TANK: variants seen among roughly 807,000 people sequenced by gnomAD.
TANK encodes the protein TRAF family member associated NFKB activator, also known as TRAF family member-associated NF-kappa-B activator.
In TANK, 15 loss-of-function variants were observed where a neutral mutation model predicts 43.6. That is an observed-to-expected ratio of 0.34 (90% confidence interval 0.23 to 0.53). The LOEUF (loss-of-function observed/expected upper bound fraction) is 0.53, where lower values mean the gene tolerates loss of function less well. Ranked by LOEUF, TANK falls within the 20% of genes least tolerant of loss-of-function variation. The probability of loss-of-function intolerance (pLI) is 0.94; values close to 1 mark genes in which losing one functional copy is unlikely to be tolerated. For synonymous variants in TANK, 162 were observed against 178.2 expected, an observed-to-expected ratio of 0.91 and a Z score of 0.73; for missense variants, 417 against 498.6, an observed-to-expected ratio of 0.84 and a Z score of 1.56.
rs989283972 is a variant in TANK at position 161,150,589 on chromosome 2, C to CTTTTTTTT, written c.-50+13539_-50+13546dup. Among the ~76,000 whole-genome samples, 132 of 121,434 alleles carry CTTTTTTTT rather than the reference C, an allele frequency of 1.1e-3. 2 individuals are homozygous for CTTTTTTTT. Among genetic ancestry groups the CTTTTTTTT allele is most frequent in the African/African-American group, 2.8e-3 (85 of 30,664 alleles). The allele number at this position is 121,434 out of a possible 152,430, so 79.7% of individuals were successfully genotyped here. A position where few individuals can be genotyped will look rare whatever the true frequency, so the allele number is the denominator to read the frequency against. On this transcript the variant is annotated intron_variant, in intron 1 of 7. Coordinates refer to the TANK transcript ENST00000259075. ...ATTATTGATTTCAAATCTTCTTCTT[C>CTTTTTTTT]TTTTTTTTTTTTTTTTTTTTCTTTT...
At chr2:161,211,085 T>G (rs1686867517) in intron 4 of TANK, among the ~76,000 whole-genome samples, 1 of 152,210 alleles carries the variant, frequency 6.6e-6, no homozygotes, top group South Asian at 2.1e-4. Flanking sequence ...GAGAAAGTGC[T>G]TTCTACCTTT....
intron 2 of TANK, among the ~76,000 whole-genome samples, chr2:161,192,755 C>T (rs1685974784): frequency 6.6e-6 from 1 of 152,178 alleles, no homozygotes. Flanking sequence ...TGAGCGTATT[C>T]TACAGGTGTC....
At chr2:161,191,020 C>T (rs1417388016) in intron 2 of TANK, among the ~76,000 whole-genome samples, 5 of 152,186 alleles carry the variant, frequency 3.3e-5, no homozygotes, top group Non-Finnish European at 7.4e-5. Context: ...ACTTGTCACT[C>T]ATCAATTTAT....
intron 7 of TANK, among the ~76,000 whole-genome samples, chr2:161,232,361 T>G (rs181088109): frequency 6.6e-6 from 1 of 152,286 alleles, no homozygotes; most frequent in East Asian, 1.9e-4. Context: ...TTGCAAACAT[T>G]TGTCTGATTT....
At chr2:161,199,530 CATCT>C (rs1299963120) in intron 2 of TANK, among the ~76,000 whole-genome samples, 2 of 152,054 alleles carry the variant, frequency 1.3e-5, no homozygotes, top group Non-Finnish European at 2.9e-5. Context: ...GAAATTTAAA[CATCT>C]ATCTACAGAA....
chr2:161,182,537 G>A (rs1573997157), intron 2 of TANK, among the ~76,000 whole-genome samples: 1 of 152,084 alleles, frequency 6.6e-6, no homozygotes, highest in Admixed American at 6.6e-5. Context: ...GACATATAAG[G>A]TGAGGTCTGA....
chr2:161,211,943 T>C (rs1214434967), intron 4 of TANK: 2 of 974,382 alleles, frequency 2.1e-6, no homozygotes, highest in African/African-American at 3.5e-5. Flanking sequence ...ATTACTCCTC[T>C]GGAGACTAGC....
At chr2:161,160,701 T>C in intron 1 of TANK, 1 of 508,524 alleles carries the variant, frequency 2.0e-6, no homozygotes, top group Non-Finnish European at 3.7e-6. Context: ...CCTTGTGGGT[T>C]GGTTTCCGGG....
chr2:161,224,388 A>G (rs1179471175), intron 5 of TANK, among the ~76,000 whole-genome samples: 1 of 152,098 alleles, frequency 6.6e-6, no homozygotes, highest in African/African-American at 2.4e-5. Context: ...ATATATGAAT[A>G]AGTAGATATG....
intron 6 of TANK, among the ~76,000 whole-genome samples, chr2:161,225,638 A>G (rs757200370): frequency 1.1e-4 from 16 of 152,256 alleles, no homozygotes; most frequent in Non-Finnish European, 1.9e-4. Context: ...ATAATGATAA[A>G]TTCTCCTTTA....
chr2:161,224,839 T>C lies in TANK; in HGVS notation c.520+93T>C, dbSNP rs1687530898. On this transcript the variant is annotated intron_variant, in intron 6 of 7. Coordinates refer to ENST00000392749, the MANE Select transcript of TANK (RefSeq NM_001199135.3). The stretch of plus-strand genomic sequence containing the variant: ...AAAATATTCCTGAATGCCTATTAAG[T>C]GTGTAGCATCTGTAATTTACCCCTC... 4.1e-6 allele frequency: 3 copies of C among 735,610 alleles called. No individual in the cohort carries two copies. In the East Asian group the frequency reaches 8.4e-5, roughly 20 times the overall value. The allele number at this position is 735,610 out of a possible 1,614,324, so 45.6% of individuals were successfully genotyped here. A position where few individuals can be genotyped will look rare whatever the true frequency, so the allele number is the denominator to read the frequency against.
chr2:161,147,688 G>A (rs1009541061), intron 1 of TANK, among the ~76,000 whole-genome samples: 1 of 148,974 alleles, frequency 6.7e-6, no homozygotes, highest in African/African-American at 2.6e-5. Context: ...CGTTGCCAGT[G>A]AAGGATTTGC....
At chr2:161,137,418 A>AT (rs1054085615) in intron 1 of TANK, among the ~76,000 whole-genome samples, 8 of 152,004 alleles carry the variant, frequency 5.3e-5, no homozygotes, top group Non-Finnish European at 1.0e-4. Flanking sequence ...AAAATTTTAA[A>AT]TTTTTTTTAA....
In TANK at chr2:161,231,115, A is replaced by C. The variant is rs775250487; in HGVS notation, c.665A>C (p.Glu222Ala). 8.7e-6 allele frequency: 14 copies of C among 1,614,046 alleles called. No individual in the cohort carries two copies. The highest frequency in any genetic ancestry group is 1.2e-5 in the Non-Finnish European group (14 of 1,180,032). Residue 222 changes from glutamate (E) to alanine (A), a missense_variant, in exon 7 of 8, where the codon GAA becomes GCA. Physicochemically the swap from Glu to Ala is moderately radical, Grantham distance 107. Coordinates refer to ENST00000392749, the MANE Select transcript of TANK (RefSeq NM_001199135.3). ...CCAAGAGGACTGTGCAGAGATGAGG[A>C]AGACACCTCTTTTGAATCACTTTCT... ...VTPRGLCRDE[E>A]DTSFESLSKF...
chr2:161,235,292 C>A, intron 7 of TANK, 50 bp from the exon 8 acceptor site: 1 of 1,482,814 alleles, frequency 6.7e-7, no homozygotes, highest in South Asian at 1.3e-5. Flanking sequence ...AAGTCCAGTG[C>A]TATTTGAATT....
chr2:161,180,902 GT>G (rs35730859), intron 2 of TANK, among the ~76,000 whole-genome samples: 2,197 of 135,604 alleles, frequency 0.016, 38 homozygotes, highest in African/African-American at 0.051. Flanking sequence ...AGAGTTCAGG[GT>G]TTTTTTTTTT....
rs895042984 is a variant in TANK, at chr2:161,178,696, A to G, written c.-49-918A>G. Among the ~76,000 whole-genome samples the G allele has an allele frequency of 2.0e-5, 3 of 152,276 alleles. No individual in the cohort carries two copies. The East Asian group carries it at 5.8e-4, about 29-fold the overall frequency. On this transcript the variant is annotated intron_variant, in intron 1 of 7. Coordinates refer to ENST00000392749, the MANE Select transcript of TANK (RefSeq NM_001199135.3). ...CTCAATTGAAAATGTGAAAATTTAA[A>G]AAGTGTGCCTGAAGATATAACAAAA...
chr2:161,201,915 T>C (rs1686431134), intron 2 of TANK, among the ~76,000 whole-genome samples: 1 of 152,234 alleles, frequency 6.6e-6, no homozygotes, highest in African/African-American at 2.4e-5. Context: ...CATTCTTCTG[T>C]TCACAATAAT....
chr2:161,150,589 C>CT (rs989283972), intron 1 of TANK, among the ~76,000 whole-genome samples: 2,191 of 121,314 alleles, frequency 0.018, 95 homozygotes, highest in African/African-American at 0.052. Context: ...TCTTCTTCTT[C>CT]TTTTTTTTTT....
Sources: allele counts gnomAD v4.1 joint callset (sites outside exome capture counted in the v4.1 genomes callset), GRCh38; gene constraint gnomAD v4.1.1; transcripts MANE v1.5; gene names NCBI Gene and HGNC (gene_info 2026-07-23, HGNC 2026-07-21).